The following MLLT10 variants were observed in gnomAD, a reference collection of about 807,000 sequenced individuals.
MLLT10 encodes the protein MLLT10 histone lysine methyltransferase DOT1L cofactor, also known as protein AF-10.
MLLT10 carries 30 observed loss-of-function variants against 129.1 expected under a neutral mutation model. The observed-to-expected ratio is 0.23, with a 90% CI of 0.17 to 0.32. The LOEUF (loss-of-function observed/expected upper bound fraction) is 0.32. Ranked by LOEUF, MLLT10 falls within the 10% of genes least tolerant of loss-of-function variation. MLLT10 has a pLI of 1.00. For synonymous variants in MLLT10, 490 were observed against 446.4 expected, an observed-to-expected ratio of 1.10 and a Z score of -1.23; for missense variants, 1,119 against 1,268.3, an observed-to-expected ratio of 0.88 and a Z score of 1.79.
In MLLT10 at chr10:21,740,463, A is replaced by G. The variant is rs549529544; in HGVS notation, c.3162+227A>G. 1.4e-4 allele frequency among the ~76,000 whole-genome samples: 21 copies of G among 152,344 alleles called. No homozygotes were observed. The South Asian group carries it at 1.4e-3, about 11-fold the overall frequency. On this transcript the variant is annotated intron_variant, in intron 22 of 22. Coordinates refer to ENST00000307729, the MANE Select transcript of MLLT10 (RefSeq NM_001195626.3). ...TTGAAGGCTGTTTTGTAATTCAGCA[A>G]TTTTCAAGATGACAAAGTTAGCAAG...
At chr10:21,731,976 C>A (rs963653320) in intron 17 of MLLT10, among the ~76,000 whole-genome samples, 14 of 152,082 alleles carry the variant, frequency 9.2e-5, no homozygotes, top group African/African-American at 3.4e-4. Flanking sequence ...GAAATTCATG[C>A]CAGGCTAATC....
intron 3 of MLLT10, among the ~76,000 whole-genome samples, chr10:21,559,632 C>G (rs1469957263): frequency 6.6e-6 from 1 of 152,232 alleles, no homozygotes; most frequent in African/African-American, 2.4e-5. Flanking sequence ...TTCGCCCTCT[C>G]TATAGCCCCT....
intron 8 of MLLT10, among the ~76,000 whole-genome samples, chr10:21,635,732 G>GT (rs754898658): frequency 0.02 from 2,863 of 143,358 alleles, 49 homozygotes; most frequent in African/African-American, 0.047. Flanking sequence ...TTTTGTTGTT[G>GT]TTTTTTTTTT....
chr10:21,541,074 C>T (rs550054458), intron 3 of MLLT10, among the ~76,000 whole-genome samples: 3 of 152,112 alleles, frequency 2.0e-5, no homozygotes, highest in South Asian at 2.1e-4. Flanking sequence ...GCAGGAGAAT[C>T]GCTTGGACCT....
At chr10:21,607,728 A>G (rs2044202255) in intron 5 of MLLT10, among the ~76,000 whole-genome samples, 1 of 152,234 alleles carries the variant, frequency 6.6e-6, no homozygotes, top group South Asian at 2.1e-4. Context: ...TGTTTAATTC[A>G]GCTATTTAAA....
chr10:21,537,268 T>C (rs893608798), intron 2 of MLLT10, among the ~76,000 whole-genome samples: 1 of 152,188 alleles, frequency 6.6e-6, no homozygotes, highest in African/African-American at 2.4e-5. Context: ...CAGTGGGTAG[T>C]ACTCTGTTTT....
At chr10:21,543,841 T>C (rs908092175) in intron 3 of MLLT10, among the ~76,000 whole-genome samples, 3 of 152,192 alleles carry the variant, frequency 2.0e-5, no homozygotes, top group Non-Finnish European at 2.9e-5. Flanking sequence ...AGAAAGGGCA[T>C]TGTATTATAA....
intron 13 of MLLT10, among the ~76,000 whole-genome samples, chr10:21,701,017 G>T (rs895423906): frequency 6.6e-6 from 1 of 151,972 alleles, no homozygotes; most frequent in Non-Finnish European, 1.5e-5. Context: ...ACTCATTGTT[G>T]GTCTGTTCAG....
At chr10:21,676,581 C>T (rs1289458734) in intron 11 of MLLT10, among the ~76,000 whole-genome samples, 14 of 149,650 alleles carry the variant, frequency 9.4e-5, no homozygotes, top group African/African-American at 3.2e-4. Flanking sequence ...ATTAGCTAGA[C>T]GTGGTGGCAC....
At chr10:21,542,786 C>G (rs149775253) in intron 3 of MLLT10, among the ~76,000 whole-genome samples, 3 of 151,930 alleles carry the variant, frequency 2.0e-5, no homozygotes, top group Non-Finnish European at 4.4e-5. Context: ...CGTGGGAGGC[C>G]GAGGCAGGAG....
At chr10:21,573,335 A>G (rs1315424510) in intron 3 of MLLT10, among the ~76,000 whole-genome samples, 1 of 152,192 alleles carries the variant, frequency 6.6e-6, no homozygotes, top group Non-Finnish European at 1.5e-5. Context: ...GGCAAGGCCA[A>G]CAGAACCCAG....
intron 9 of MLLT10, among the ~76,000 whole-genome samples, chr10:21,659,339 C>T (rs1211460914): frequency 1.3e-5 from 2 of 152,068 alleles, no homozygotes; most frequent in Non-Finnish European, 2.9e-5. Flanking sequence ...GTGAACATTG[C>T]AACCCTTCTT....
chr10:21,539,791 C>T (rs544951472), intron 3 of MLLT10, among the ~76,000 whole-genome samples: 1 of 151,892 alleles, frequency 6.6e-6, no homozygotes, highest in Non-Finnish European at 1.5e-5. Context: ...AAACAAATTA[C>T]AAACATTAGC....
In MLLT10 at chr10:21,670,584, A is replaced by G. The variant is rs767698071; in HGVS notation, c.931A>G (p.Arg311Gly). 3.0e-5 allele frequency: 49 copies of G among 1,614,080 alleles called. No homozygotes were observed. The highest frequency in any genetic ancestry group is 3.8e-5 in the Non-Finnish European group (45 of 1,180,046). Reference protein sequence around the residue: ...TSSGKDVSETRGSEGKGKKSS... With the variant: ...TSSGKDVSETGGSEGKGKKSS... ...TAGTGGAAAAGATGTTTCAGAGACT[A>G]GAGGGTCAGAGGGCAAAGGGAAGAA... The change falls in exon 10 of 23, where the codon AGA becomes GGA. Residue 311 changes from arginine to glycine, a missense_variant. Coordinates refer to ENST00000307729, the MANE Select transcript of MLLT10 (RefSeq NM_001195626.3).
intron 16 of MLLT10, 95 bp from the exon 17 acceptor site, chr10:21,730,805 A>AC: frequency 7.3e-7 from 1 of 1,362,140 alleles, no homozygotes; most frequent in South Asian, 1.2e-5. Context: ...GTGTTATAAA[A>AC]CTCATACAGG....
At chr10:21,543,837 G>A (rs1356735525) in intron 3 of MLLT10, among the ~76,000 whole-genome samples, 14 of 152,102 alleles carry the variant, frequency 9.2e-5, no homozygotes, top group Admixed American at 9.2e-4. Context: ...GCAAAGAAAG[G>A]GCATTGTATT....
At position 21,688,626 on chromosome 10, in the gene MLLT10, G is replaced by A. The variant is rs1022051104; in HGVS notation, c.1699+6369G>A. ...TGGAAACCTTCCCATACAAACCAGT[G>A]TTAGCAGTATGTACTCATAAAAAAA... On this transcript the variant is annotated intron_variant, in intron 13 of 22. Coordinates refer to ENST00000307729, the MANE Select transcript of MLLT10 (RefSeq NM_001195626.3). 62 of 1,152,210 alleles carry A rather than the reference G, an allele frequency of 5.4e-5. No individual in the cohort carries two copies. The African/African-American group carries it at 8.9e-4, about 17-fold the overall frequency. The allele number at this position is 1,152,210 out of a possible 1,614,324, so 71.4% of individuals were successfully genotyped here. A position where few individuals can be genotyped will look rare whatever the true frequency, so the allele number is the denominator to read the frequency against.
At chr10:21,544,343 C>A (rs760987879) in intron 3 of MLLT10, among the ~76,000 whole-genome samples, 1 of 152,114 alleles carries the variant, frequency 6.6e-6, no homozygotes, top group Non-Finnish European at 1.5e-5. Context: ...AAAAGCCCAA[C>A]TTTGGTTTGG....
At chr10:21,554,435 C>G (rs1211628959) in intron 3 of MLLT10, among the ~76,000 whole-genome samples, 1 of 151,792 alleles carries the variant, frequency 6.6e-6, no homozygotes, top group Non-Finnish European at 1.5e-5. Context: ...TGCCACTACT[C>G]CTGGCCCTCC....
Sources: gnomAD v4.1 joint callset for allele counts (sites outside exome capture counted in the v4.1 genomes callset) on GRCh38, gnomAD v4.1.1 for gene constraint, MANE v1.5 for transcripts, NCBI Gene and HGNC (gene_info 2026-07-23, HGNC 2026-07-21) for gene names.